Variants in PDE10A observed in about 807,000 individuals in gnomAD.
The protein encoded by PDE10A is phosphodiesterase 10A.
PDE10A carries 39 observed loss-of-function variants against 97.7 expected under a neutral mutation model. That is an observed-to-expected ratio of 0.40 (90% CI 0.31 to 0.52). The LOEUF (loss-of-function observed/expected upper bound fraction) is 0.52. PDE10A is among the 20% of genes least tolerant of loss of function. The pLI, the probability that PDE10A is intolerant of heterozygous loss-of-function variation, is 0.56. For synonymous variants in PDE10A, 371 were observed against 376.8 expected (o/e 0.98, Z 0.18); for missense variants, 731 against 1,047.8 (o/e 0.70, Z 4.17).
At chr6:165,404,977 A>G (rs537354791) in intron 13 of PDE10A, among the ~76,000 whole-genome samples, 1 of 152,200 alleles carries the variant, frequency 6.6e-6, no homozygotes, top group East Asian at 1.9e-4. Context: ...AGGCCCAAGC[A>G]CCTACTGTCT....
In PDE10A at chr6:165,428,709, T is replaced by A; in HGVS notation, c.1602A>T (p.Lys534Asn). Residue 534 changes from lysine (K) to asparagine (N), a missense_variant and splice_region_variant, in exon 10 of 22, where the codon AAA becomes AAT. Lys to Asn is a moderately conservative substitution (Grantham distance 94). Coordinates refer to ENST00000539869, the MANE Select transcript of PDE10A (RefSeq NM_001385079.1). ...TTGCAACTATGTTATCAAAATATGT[T>A]CTGAAAAAAAGAAACATAAATCCTG... ...ELNDFLLDVS[K>N]TYFDNIVAID... The A allele has an allele frequency of 8.3e-7, 1 of 1,209,340 alleles. No homozygotes were observed. Among genetic ancestry groups the A allele is most frequent in the Middle Eastern group, 2.0e-4 (1 of 4,954 alleles). 74.9% of individuals were successfully genotyped at this position (1,209,340 alleles called of 1,614,324 possible). A position where few individuals can be genotyped will look rare whatever the true frequency, so the allele number is the denominator to read the frequency against.
chr6:165,644,951 C>A (rs1789317488), intron 1 of PDE10A, among the ~76,000 whole-genome samples: 1 of 152,178 alleles, frequency 6.6e-6, no homozygotes, highest in Admixed American at 6.5e-5. Flanking sequence ...AAATCATACA[C>A]CTCAGACTTG....
intron 1 of PDE10A, among the ~76,000 whole-genome samples, chr6:165,898,112 C>G (rs1034739042): frequency 9.9e-5 from 15 of 151,890 alleles, no homozygotes; most frequent in African/African-American, 3.6e-4. Context: ...CCTCCACCCC[C>G]CATGAGTTGC....
At chr6:165,931,331 C>G (rs1015175457) in intron 1 of PDE10A, among the ~76,000 whole-genome samples, 7 of 152,200 alleles carry the variant, frequency 4.6e-5, no homozygotes, top group African/African-American at 1.7e-4. Context: ...CCACATCTGT[C>G]TACAATAGTA....
At chr6:165,725,077 G>A (rs1001850896) in intron 1 of PDE10A, among the ~76,000 whole-genome samples, 25 of 152,164 alleles carry the variant, frequency 1.6e-4, no homozygotes, top group Non-Finnish European at 3.4e-4. Context: ...AGGAGAGTCC[G>A]GCTGCTGAGC....
intron 7 of PDE10A, among the ~76,000 whole-genome samples, chr6:165,432,392 G>A (rs2128238411): frequency 6.6e-6 from 1 of 152,308 alleles, no homozygotes; most frequent in African/African-American, 2.4e-5. Flanking sequence ...TAAGTAGCCT[G>A]TCAGCCTTGC....
chr6:165,755,430 G>T (rs1368795225), intron 1 of PDE10A, among the ~76,000 whole-genome samples: 1 of 152,154 alleles, frequency 6.6e-6, no homozygotes, highest in Non-Finnish European at 1.5e-5. Flanking sequence ...CCTGCAGAGG[G>T]GCACCTGTTG....
In PDE10A at chr6:165,700,454, A is replaced by G. The variant is rs139754297; in HGVS notation, c.-614-156886T>C. On this transcript the variant is annotated intron_variant, in intron 1 of 19. Coordinates refer to the PDE10A transcript ENST00000366882. ...TAAATTGCACATTTCACACAGGCGA[A>G]TTACATGGTGTGTGAATGATATCTC... 2.3e-3 allele frequency among the ~76,000 whole-genome samples: 352 copies of G among 152,358 alleles called. 1 individual carries two copies. The highest frequency in any genetic ancestry group is 0.017 in the Middle Eastern group (5 of 294).
At chr6:165,396,165 G>T in intron 14 of PDE10A, 152 bp downstream of exon 14, 1 of 636,548 alleles carries the variant, frequency 1.6e-6, no homozygotes, top group Admixed American at 3.4e-5. Context: ...ATAATATCTG[G>T]AATCACTTCA....
intron 1 of PDE10A, among the ~76,000 whole-genome samples, chr6:165,855,750 C>T (rs1780714100): frequency 6.6e-6 from 1 of 151,972 alleles, no homozygotes; most frequent in Non-Finnish European, 1.5e-5. Context: ...GAGCCCGCAA[C>T]GGGTGAGCCT....
intron 2 of PDE10A, among the ~76,000 whole-genome samples, chr6:165,541,214 T>C (rs140730612): frequency 2.0e-5 from 3 of 152,230 alleles, no homozygotes; most frequent in African/African-American, 4.8e-5. Context: ...TCTATGTCTA[T>C]TCCCACAACT....
chr6:165,432,641 A>G (rs372758125), intron 7 of PDE10A, among the ~76,000 whole-genome samples: 3 of 152,340 alleles, frequency 2.0e-5, no homozygotes, highest in South Asian at 4.1e-4. Context: ...TAAGAAAAAG[A>G]CATTTTAAAG....
At chr6:165,706,363 G>C (rs569906518) in intron 1 of PDE10A, among the ~76,000 whole-genome samples, 2 of 152,198 alleles carry the variant, frequency 1.3e-5, no homozygotes, top group African/African-American at 4.8e-5. Context: ...CAGGACACAG[G>C]TTTCCATGGG....
In PDE10A at chr6:165,330,406, A is replaced by G. The variant is rs894898661; in HGVS notation, c.*2619T>C. ...CTGACAAAATACAAAAATACTCCTA[A>G]CTGCATGTTTTCCAAAACAAATCAT... is the stretch of plus-strand genomic sequence containing the variant. On this transcript the variant is annotated 3_prime_UTR_variant, in exon 22 of 22. Transcript: ENST00000539869. 1.3e-5 allele frequency: 2 copies of G among 152,134 alleles called. No individual in the cohort carries two copies. Among genetic ancestry groups the G allele is most frequent in the African/African-American group, 4.8e-5 (2 of 41,448 alleles). 9.4% of individuals were successfully genotyped at this position (152,134 alleles called of 1,614,324 possible).
intron 5 of PDE10A, among the ~76,000 whole-genome samples, chr6:165,437,804 C>A (rs1419744699): frequency 6.6e-6 from 1 of 152,156 alleles, no homozygotes; most frequent in East Asian, 1.9e-4. Context: ...CACTTTCCCT[C>A]CTTTATATTA....
chr6:165,747,051 G>C (rs1010451151), intron 1 of PDE10A, among the ~76,000 whole-genome samples: 1 of 151,934 alleles, frequency 6.6e-6, no homozygotes, highest in Non-Finnish European at 1.5e-5. Flanking sequence ...CTTTTTTTCT[G>C]ATGAGACTAT....
intron 1 of PDE10A, among the ~76,000 whole-genome samples, chr6:165,859,161 T>C (rs1455088158): frequency 6.6e-6 from 1 of 152,198 alleles, no homozygotes; most frequent in Non-Finnish European, 1.5e-5. Flanking sequence ...AAAGACACTT[T>C]ATTTTCCATC....
chr6:165,856,579 C>T (rs1019838143), intron 1 of PDE10A, among the ~76,000 whole-genome samples: 2 of 152,224 alleles, frequency 1.3e-5, no homozygotes, highest in African/African-American at 4.8e-5. Context: ...AAACCACACA[C>T]TTAGGAACTC....
chr6:165,973,346 G>A (rs1583378444), intron 1 of PDE10A, among the ~76,000 whole-genome samples: 1 of 151,972 alleles, frequency 6.6e-6, no homozygotes, highest in Non-Finnish European at 1.5e-5. Context: ...CCGGGAGGCG[G>A]AGGTGGCAGT....
Sources: gnomAD v4.1 joint callset for allele counts (sites outside exome capture counted in the v4.1 genomes callset) on GRCh38, gnomAD v4.1.1 for gene constraint, MANE v1.5 for transcripts, NCBI Gene and HGNC (gene_info 2026-07-23, HGNC 2026-07-21) for gene names.